The following SLC7A1 variants were observed in gnomAD, a reference collection of about 807,000 sequenced individuals.
SLC7A1 encodes high affinity cationic amino acid transporter 1.
A neutral mutation model predicts 53.9 loss-of-function variants in SLC7A1; 10 were observed. That is an observed-to-expected ratio of 0.19 (90% CI 0.11 to 0.31). The LOEUF (loss-of-function observed/expected upper bound fraction) is 0.31, where lower values mean the gene tolerates loss of function less well. Among genes scored for constraint, SLC7A1 ranks in the 10% least tolerant of loss-of-function variants. The pLI is 1.00. For synonymous variants in SLC7A1, 342 were observed against 338.7 expected, an observed-to-expected ratio of 1.01 and a Z score of -0.11; for missense variants, 525 against 827.2, an observed-to-expected ratio of 0.63 and a Z score of 4.48.
chr13:29,526,281 A>C (rs572275531), intron 5 of SLC7A1, among the ~76,000 whole-genome samples: 1 of 151,726 alleles, frequency 6.6e-6, no homozygotes, highest in Non-Finnish European at 1.5e-5. Context: ...CTTGGGCAAC[A>C]TAGTGAGACC....
intron 5 of SLC7A1, among the ~76,000 whole-genome samples, chr13:29,528,803 C>T (rs778670375): frequency 6.6e-6 from 1 of 152,184 alleles, no homozygotes; most frequent in Non-Finnish European, 1.5e-5. Context: ...CACCTATGAT[C>T]AGGGATTGGG....
intron 1 of SLC7A1, among the ~76,000 whole-genome samples, chr13:29,571,275 C>T (rs548888710): frequency 1.3e-5 from 2 of 152,346 alleles, no homozygotes; most frequent in South Asian, 2.1e-4. Flanking sequence ...TGGTGGAAGA[C>T]TTGAGGGCTG....
intron 2 of SLC7A1, 140 bp downstream of exon 2, chr13:29,553,621 A>G (rs1870300051): frequency 6.6e-6 from 1 of 152,262 alleles, no homozygotes; most frequent in Admixed American, 6.5e-5. Flanking sequence ...TTGGAAATCT[A>G]AAAAAGAAGA....
intron 3 of SLC7A1, among the ~76,000 whole-genome samples, chr13:29,534,654 G>GCCCAGGGCTGCGAGGAT (rs1869324723): frequency 6.6e-6 from 1 of 152,162 alleles, no homozygotes; most frequent in Non-Finnish European, 1.5e-5. Context: ...GCTGTGGGGA[G>GCCCAGGGCTGCGAGGAT]CCCAGGGCTG....
intron 1 of SLC7A1, among the ~76,000 whole-genome samples, chr13:29,585,274 T>C (rs751805939): frequency 3.9e-5 from 6 of 152,210 alleles, no homozygotes; most frequent in Non-Finnish European, 5.9e-5. Flanking sequence ...TCCCATCCCC[T>C]AGTGCCAGCA....
At chr13:29,539,265 C>T (rs1406651285) in intron 2 of SLC7A1, among the ~76,000 whole-genome samples, 1 of 152,158 alleles carries the variant, frequency 6.6e-6, no homozygotes, top group Non-Finnish European at 1.5e-5. Context: ...CGCACCAGAG[C>T]CCAGACACAC....
Position 29,532,828 on chromosome 13 carries a change from C to T in SLC7A1, c.525G>A (p.Leu175=). 1 of 1,611,936 alleles carries T rather than the reference C, an allele frequency of 6.2e-7. No homozygotes were observed. The highest frequency in any genetic ancestry group is 8.5e-7 in the Non-Finnish European group (1 of 1,178,546). Residue 175 remains leucine (L), a synonymous_variant, in exon 4 of 13, where the codon TTG becomes TTA. Transcript: ENST00000380752. ...CTTTTTAAGTGTGGGCTTTACCTGTCAAGATGAGAATTATGATCACTGCGA... is the reference window on the plus strand; with the variant it reads ...CTTTTTAAGTGTGGGCTTTACCTGTTAAGATGAGAATTATGATCACTGCGA... ...DIFAVIIILI[L]TGLLTLGVKE...
At chr13:29,538,767 T>C (rs1019166923) in intron 2 of SLC7A1, among the ~76,000 whole-genome samples, 1 of 152,242 alleles carries the variant, frequency 6.6e-6, no homozygotes, top group African/African-American at 2.4e-5. Context: ...CATTGCAACA[T>C]AGCCCTCAGC....
intron 1 of SLC7A1, among the ~76,000 whole-genome samples, chr13:29,561,315 G>A (rs575849159): frequency 6.6e-5 from 10 of 152,244 alleles, no homozygotes; most frequent in East Asian, 3.9e-4. Context: ...TAGTGGTGAC[G>A]CGCTGAGGGG....
chr13:29,568,702 A>G (rs1164228077), intron 1 of SLC7A1, among the ~76,000 whole-genome samples: 1 of 152,214 alleles, frequency 6.6e-6, no homozygotes, highest in African/African-American at 2.4e-5. Context: ...TTGTGTTTTT[A>G]AAGAAGGGGA....
chr13:29,592,088 G>A (rs186070259), intron 1 of SLC7A1, among the ~76,000 whole-genome samples: 10 of 152,238 alleles, frequency 6.6e-5, no homozygotes, highest in African/African-American at 1.4e-4. Flanking sequence ...AGCCAGGAGC[G>A]GTGCTGTTCC....
chr13:29,516,377 G>A (rs1883555205), intron 11 of SLC7A1, 131 bp from the exon 12 acceptor site: 2 of 633,358 alleles, frequency 3.2e-6, no homozygotes, highest in Non-Finnish European at 5.7e-6. Context: ...AAGAGAGAGG[G>A]AGTGCCCACC....
At chr13:29,534,632 T>C (rs1345399199) in intron 3 of SLC7A1, among the ~76,000 whole-genome samples, 1 of 152,098 alleles carries the variant, frequency 6.6e-6, no homozygotes, top group Non-Finnish European at 1.5e-5. Context: ...ATGCCCCCCA[T>C]GCAGAGATAG....
At chr13:29,561,713 C>T (rs1870765246) in intron 1 of SLC7A1, among the ~76,000 whole-genome samples, 1 of 152,036 alleles carries the variant, frequency 6.6e-6, no homozygotes, top group Non-Finnish European at 1.5e-5. Flanking sequence ...CCTGGAACCA[C>T]AAGGGCAGGC....
chr13:29,533,013 G>T, intron 3 of SLC7A1, 31 bp from the exon 4 acceptor site: 6 of 1,587,446 alleles, frequency 3.8e-6, no homozygotes, highest in Non-Finnish European at 5.2e-6. Context: ...CAGAGGAGAT[G>T]TGAGGACAAC....
chr13:29,591,305 G>A (rs1199360208), intron 1 of SLC7A1, among the ~76,000 whole-genome samples: 3 of 152,148 alleles, frequency 2.0e-5, no homozygotes, highest in African/African-American at 7.2e-5. Context: ...CAAACAATAT[G>A]AAAAAGAATT....
In SLC7A1 at chr13:29,592,403, G is replaced by A. The variant is rs931653505; in HGVS notation, c.-115+3013C>T. 2.2e-4 allele frequency among the ~76,000 whole-genome samples: 34 copies of A among 152,276 alleles called. 1 individual carries two copies. The highest frequency in any genetic ancestry group is 3.4e-3 in the Middle Eastern group (1 of 294). ...CAAGTTCCTGGGATGACCAAATCTC[G>A]ACCAGTGGGCCAGGTAAATGGCATC... On this transcript the variant is annotated intron_variant, in intron 1 of 12. Coordinates refer to ENST00000380752, the MANE Select transcript of SLC7A1 (RefSeq NM_003045.5).
intron 2 of SLC7A1, 148 bp from the exon 3 acceptor site, chr13:29,536,350 A>T: frequency 3.5e-6 from 3 of 854,866 alleles, no homozygotes; most frequent in Non-Finnish European, 5.4e-6. Context: ...TTCCACCATC[A>T]ATTGTCAGAA....
intron 6 of SLC7A1, 102 bp from the exon 7 acceptor site, chr13:29,523,590 C>A: frequency 2.3e-6 from 2 of 856,102 alleles, no homozygotes; most frequent in African/African-American, 1.7e-5. Flanking sequence ...CCCACGTGAC[C>A]CTACGAGAAA....
Sources: gnomAD v4.1 joint callset for allele counts (sites outside exome capture counted in the v4.1 genomes callset) on GRCh38, gnomAD v4.1.1 for gene constraint, MANE v1.5 for transcripts, NCBI Gene and HGNC (gene_info 2026-07-23, HGNC 2026-07-21) for gene names.